The following DMBX1 variants were observed in gnomAD, a reference collection of about 807,000 sequenced individuals.
The protein encoded by DMBX1 is diencephalon/mesencephalon homeobox 1.
DMBX1 carries 7 observed loss-of-function variants against 30.4 expected under a neutral mutation model. The observed-to-expected ratio is 0.23, with a 90% confidence interval of 0.13 to 0.43. The LOEUF (loss-of-function observed/expected upper bound fraction) is 0.43, where lower values mean the gene tolerates loss of function less well. Among genes scored for constraint, DMBX1 ranks in the 20% least tolerant of loss-of-function variants. The probability of loss-of-function intolerance (pLI) is 1.00; values close to 1 mark genes in which losing one functional copy is unlikely to be tolerated. For synonymous variants in DMBX1, 222 were observed against 214.2 expected, an observed-to-expected ratio of 1.04 and a Z score of -0.32; for missense variants, 460 against 508.5, an observed-to-expected ratio of 0.90 and a Z score of 0.92.
Position 46,510,383 on chromosome 1 carries a change from C to T in DMBX1, c.155-93C>T. 2 of 1,460,806 alleles carry T rather than the reference C, an allele frequency of 1.4e-6. No homozygotes were observed. The highest frequency in any genetic ancestry group is 1.3e-5 in the South Asian group (1 of 74,140). The allele number at this position is 1,460,806 out of a possible 1,614,324, so 90.5% of individuals were successfully genotyped here. On this transcript the variant is annotated intron_variant, in intron 3 of 5. Coordinates refer to ENST00000360032, the MANE Select transcript of DMBX1 (RefSeq NM_172225.2). The surrounding 1 kb of genome is among the most constrained non-coding windows in gnomAD (Gnocchi z 4.1). ...CCAGCTCTGGCAGCAGCCTGGGTGTCCACAGTGGGTCAGAGCAGGATAAGA... is the reference window on the plus strand; with the variant it reads ...CCAGCTCTGGCAGCAGCCTGGGTGTTCACAGTGGGTCAGAGCAGGATAAGA...
At chr1:46,499,908 T>C (rs1321328408) in intron 2 of DMBX1, among the ~76,000 whole-genome samples, 2 of 152,188 alleles carry the variant, frequency 1.3e-5, no homozygotes, top group Non-Finnish European at 2.9e-5. Flanking sequence ...AGTACTGTTG[T>C]TGTTGTCATC....
At position 46,512,631 on chromosome 1, in the gene DMBX1, C is replaced by T. The variant is rs1666407420; in HGVS notation, c.*137C>T. 9.4e-6 allele frequency: 9 copies of T among 960,416 alleles called. No individual in the cohort carries two copies. The Admixed American group carries it at 2.6e-4, about 28-fold the overall frequency. 59.5% of individuals were successfully genotyped at this position (960,416 alleles called of 1,614,324 possible). On this transcript the variant is annotated 3_prime_UTR_variant, in exon 6 of 6. Coordinates refer to ENST00000360032, the MANE Select transcript of DMBX1 (RefSeq NM_172225.2). This position sits in a 1 kb window ranked among gnomAD's most constrained non-coding sequence, Gnocchi z 4.8. ...TGGGGTCCTGTTCCCTGCTCCGCTT[C>T]CCCATACCCCAGCCCGAGGTGAAGC...
In DMBX1 at chr1:46,515,830, G is replaced by T. The variant is rs994963924; in HGVS notation, c.*3336G>T. 6.6e-6 allele frequency among the ~76,000 whole-genome samples: 1 copy of T among 152,200 alleles called. No individual in the cohort carries two copies. Reference sequence around the variant, plus strand: ...CTCAAGCTCTGACTGTCCCTTCCAGGAATGCCTCATGCCTGGCCTCTCCCT... The same window carrying T: ...CTCAAGCTCTGACTGTCCCTTCCAGTAATGCCTCATGCCTGGCCTCTCCCT... On this transcript the variant is annotated 3_prime_UTR_variant, in exon 6 of 6. Transcript: ENST00000360032.
intron 2 of DMBX1, among the ~76,000 whole-genome samples, chr1:46,500,918 G>A (rs890918563): frequency 3.3e-5 from 5 of 151,990 alleles, no homozygotes; most frequent in South Asian, 2.1e-4. Flanking sequence ...ATAAATATTC[G>A]CATACACATA....
In DMBX1 at chr1:46,491,533, A is replaced by G. The variant is rs1665928744; in HGVS notation, c.-13+750A>G. Among the ~76,000 whole-genome samples the G allele has an allele frequency of 6.6e-6, 1 of 152,158 alleles. No individual in the cohort carries two copies. Among genetic ancestry groups the G allele is most frequent in the Non-Finnish European group, 1.5e-5 (1 of 68,026 alleles). On this transcript the variant is annotated intron_variant, in intron 2 of 5. Transcript: ENST00000360032. The surrounding 1 kb of genome is among the most constrained non-coding windows in gnomAD (Gnocchi z 5.5). ...ATTGACTTGATGGACCTTGGAGGAA[A>G]GGGGCTGTCTGTACCGCAAGGGTTG...
intron 1 of DMBX1, among the ~76,000 whole-genome samples, chr1:46,490,121 G>C (rs1024322808): frequency 1.3e-5 from 2 of 152,204 alleles, no homozygotes; most frequent in African/African-American, 2.4e-5. Flanking sequence ...AGAGACCCAG[G>C]GTGAGACAGA....
intron 2 of DMBX1, among the ~76,000 whole-genome samples, chr1:46,500,575 GAAAT>G (rs1347607792): frequency 1.9e-5 from 1 of 52,486 alleles, no homozygotes; most frequent in Non-Finnish European, 3.7e-5. Flanking sequence ...AAGAAAGAAA[GAAAT>G]AATATAAATG....
chr1:46,515,184 T>G lies in DMBX1; in HGVS notation c.*2690T>G, dbSNP rs1335618805. 1.3e-5 allele frequency among the ~76,000 whole-genome samples: 2 copies of G among 151,876 alleles called. No homozygotes were observed. Among genetic ancestry groups the G allele is most frequent in the African/African-American group, 2.4e-5 (1 of 41,316 alleles). ...AGATTCCAGGAGTGACAGAGGAGGT[T>G]TTTGGTTTGGGAGGGATTTTGTGGC... On this transcript the variant is annotated 3_prime_UTR_variant, in exon 6 of 6. Coordinates refer to ENST00000360032, the MANE Select transcript of DMBX1 (RefSeq NM_172225.2).
chr1:46,511,332 G>A, intron 5 of DMBX1, 49 bp downstream of exon 5: 1 of 1,465,432 alleles, frequency 6.8e-7, no homozygotes, highest in Non-Finnish European at 9.0e-7. Context: ...GGGGCCCTGA[G>A]CGTGTGAAGC....
At chr1:46,491,000 C>G (rs982888186) in intron 2 of DMBX1, among the ~76,000 whole-genome samples, 1 of 152,248 alleles carries the variant, frequency 6.6e-6, no homozygotes, top group African/African-American at 2.4e-5. Flanking sequence ...GGCCGTAACT[C>G]AGTCGTTGAC....
chr1:46,505,627 C>T (rs1666219342), intron 2 of DMBX1, among the ~76,000 whole-genome samples: 1 of 151,672 alleles, frequency 6.6e-6, no homozygotes, highest in Admixed American at 6.6e-5. Context: ...GGAGGGATAG[C>T]ATTGGGAGAT....
rs763846022 is a variant in DMBX1 at position 46,510,512 on chromosome 1, G to A, written c.191G>A (p.Arg64His). The change falls in exon 4 of 6, where the codon CGC (arginine) becomes CAC (histidine). Residue 64 changes from arginine (R) to histidine (H), a missense_variant. By Grantham distance (29) the Arg-to-His change is conservative. This residue lies in a region of DMBX1 where 124 missense variants were observed against 144.0 expected (regional missense o/e 0.86). Coordinates refer to ENST00000360032, the MANE Select transcript of DMBX1 (RefSeq NM_172225.2). This position sits in a 1 kb window ranked among gnomAD's most constrained non-coding sequence, Gnocchi z 4.1. ...ILEARYGSQH[R>H]KQRRSRTAFT... ...GAGGCCCGTTATGGTTCCCAGCACC[G>A]CAAACAACGTCGCAGCCGCACAGCG... 9.3e-6 allele frequency: 15 copies of A among 1,613,926 alleles called. No individual in the cohort carries two copies. The highest frequency in any genetic ancestry group is 5.3e-5 in the African/African-American group (4 of 74,896).
Position 46,510,401 on chromosome 1 carries a change from G to T in DMBX1, c.155-75G>T. On this transcript the variant is annotated intron_variant, in intron 3 of 5. Transcript: ENST00000360032. This position sits in a 1 kb window ranked among gnomAD's most constrained non-coding sequence, Gnocchi z 4.1. ...TGGGTGTCCACAGTGGGTCAGAGCA[G>T]GATAAGATTCAAAGCTATTTCCCAT... 6.5e-7 allele frequency: 1 copy of T among 1,534,110 alleles called. No homozygotes were observed. The highest frequency in any genetic ancestry group is 8.8e-7 in the Non-Finnish European group (1 of 1,142,028).
chr1:46,501,153 C>T (rs890976552), intron 2 of DMBX1, among the ~76,000 whole-genome samples: 2 of 150,672 alleles, frequency 1.3e-5, no homozygotes, highest in African/African-American at 4.9e-5. Flanking sequence ...CTCCCCCTTC[C>T]CTCTCTCTCT....
chr1:46,514,955 G>C lies in DMBX1; in HGVS notation c.*2461G>C, dbSNP rs569740124. On this transcript the variant is annotated 3_prime_UTR_variant, in exon 6 of 6. Transcript: ENST00000360032. ...ATGAGACTCAGTAGACCATGGGAAG[G>C]GGGTGGCTGGCTTCACGAGAGGTGG... Among the ~76,000 whole-genome samples, 2 of 152,274 alleles carry C rather than the reference G, an allele frequency of 1.3e-5. No individual in the cohort carries two copies. The highest frequency in any genetic ancestry group is 4.1e-4 in the South Asian group (2 of 4,826).
intron 2 of DMBX1, among the ~76,000 whole-genome samples, chr1:46,501,213 C>CTTT (rs1666121714): frequency 1.1e-4 from 8 of 74,558 alleles, no homozygotes; most frequent in East Asian, 9.1e-4. Context: ...TTCCTTCCTT[C>CTTT]CTTTCTTTCT....
intron 2 of DMBX1, among the ~76,000 whole-genome samples, chr1:46,502,806 A>G (rs1666162244): frequency 6.6e-6 from 1 of 152,160 alleles, no homozygotes; most frequent in Non-Finnish European, 1.5e-5. Context: ...CCTGAGCCCC[A>G]GAGATTGAGG....
Position 46,511,115 on chromosome 1 carries a change from GCTGAGCTTCAC to G in DMBX1, c.520_530del (p.Leu174SerfsTer3). 6.2e-7 allele frequency: 1 copy of G among 1,614,070 alleles called. No individual in the cohort carries two copies. ...ACGTCTGCCTGGCAGCGACCCCCCT[GCTGAGCTTCAC>G]CTGAGTCTGTCTGAGCAGTCAGCCA... On this transcript the variant is annotated frameshift_variant, in exon 5 of 6. Transcript: ENST00000360032. LOFTEE classifies it high-confidence loss of function.
intron 3 of DMBX1, among the ~76,000 whole-genome samples, chr1:46,509,849 G>A (rs1467170194): frequency 6.6e-6 from 1 of 152,128 alleles, no homozygotes; most frequent in African/African-American, 2.4e-5. Flanking sequence ...CAGGCTCTCT[G>A]TTCAGGAAAC....
Sources: allele counts gnomAD v4.1 joint callset (sites outside exome capture counted in the v4.1 genomes callset), GRCh38; gene constraint gnomAD v4.1.1; regional missense constraint gnomAD v4.1.1; non-coding constraint Gnocchi (gnomAD v3.1); transcripts MANE v1.5; gene names NCBI Gene and HGNC (gene_info 2026-07-23, HGNC 2026-07-21).